Variants in PSTPIP2 observed in about 807,000 individuals in gnomAD.
PSTPIP2 encodes proline-serine-threonine phosphatase-interacting protein 2.
In PSTPIP2, 33 loss-of-function variants were observed where a neutral mutation model predicts 63.3. That is an observed-to-expected ratio of 0.52 (90% CI 0.40 to 0.70). The LOEUF is 0.70. Ranked by LOEUF, PSTPIP2 falls within the 30% of genes least tolerant of loss-of-function variation. PSTPIP2 has a pLI of 0.00. For missense variants in PSTPIP2, 312 were observed against 400.7 expected (o/e 0.78, Z 1.89); for synonymous variants, 125 against 132.7 (o/e 0.94, Z 0.40).
At chr18:46,028,640 A>C in intron 2 of PSTPIP2, 1 of 813,932 alleles carries the variant, frequency 1.2e-6, no homozygotes, top group East Asian at 3.0e-5. Flanking sequence ...GGGTGGATGA[A>C]GAAGATGAAG....
chr18:45,988,995 C>T (rs1200754224), intron 13 of PSTPIP2, among the ~76,000 whole-genome samples: 13 of 152,124 alleles, frequency 8.5e-5, no homozygotes, highest in Non-Finnish European at 1.5e-5. Flanking sequence ...GGTACAGTAC[C>T]CACAGTAAAA....
rs1288212860 is a variant in PSTPIP2, at chr18:46,029,276, C to T, written c.135-4590G>A. ...TCTCCCCAGATGGGTCCTTCTTGCTCATAAATGGCATTGCTGGGTATTTGC... is the reference window on the plus strand; with the variant it reads ...TCTCCCCAGATGGGTCCTTCTTGCTTATAAATGGCATTGCTGGGTATTTGC... On this transcript the variant is annotated intron_variant, in intron 2 of 14. Coordinates refer to ENST00000409746, the MANE Select transcript of PSTPIP2 (RefSeq NM_024430.4). The T allele has an allele frequency of 2.1e-6, 3 of 1,396,330 alleles. No homozygotes were observed. The Admixed American group carries it at 5.0e-5, about 23-fold the overall frequency. The allele number at this position is 1,396,330 out of a possible 1,614,324, so 86.5% of individuals were successfully genotyped here.
chr18:46,013,331 C>T (rs1313573202), intron 4 of PSTPIP2, among the ~76,000 whole-genome samples: 1 of 152,144 alleles, frequency 6.6e-6, no homozygotes, highest in Non-Finnish European at 1.5e-5. Flanking sequence ...ATTTAGCTAA[C>T]ATTTACAAAC....
chr18:46,037,699 C>T (rs377263878), intron 2 of PSTPIP2, among the ~76,000 whole-genome samples: 2 of 152,292 alleles, frequency 1.3e-5, no homozygotes, highest in East Asian at 3.9e-4. Flanking sequence ...TTCCTGCAAG[C>T]GTGCCACCAG....
chr18:46,051,119 C>A (rs1400329536), intron 1 of PSTPIP2, among the ~76,000 whole-genome samples: 1 of 152,146 alleles, frequency 6.6e-6, no homozygotes, highest in African/African-American at 2.4e-5. Flanking sequence ...CTGCCTCAGC[C>A]CAAAAAGCTG....
rs34169328 is a variant in PSTPIP2 at position 46,064,457 on chromosome 18, A to ATTTTTTTT, written c.33+7691_33+7698dup. Among the ~76,000 whole-genome samples the ATTTTTTTT allele has an allele frequency of 2.6e-4, 28 of 106,032 alleles. No homozygotes were observed. The East Asian group carries it at 5.7e-3, about 21-fold the overall frequency. 69.6% of individuals were successfully genotyped at this position (106,032 alleles called of 152,430 possible). ...AGGCACCCACCACAACACCTGGCTA[A>ATTTTTTTT]TTTTTTTTTTTTTTTTTTTTTAAGT... On this transcript the variant is annotated intron_variant, in intron 1 of 14. Coordinates refer to ENST00000409746, the MANE Select transcript of PSTPIP2 (RefSeq NM_024430.4).
Position 45,991,899 on chromosome 18 carries a change from T to C in PSTPIP2, c.920+3A>G. ...CTTCATATGAAAGGCAGCTGGTTAT[T>C]ACCTTGCCAAGTTAGGCCCTGTAGC... On this transcript the variant is annotated splice_donor_region_variant and intron_variant, in intron 12 of 14. Coordinates refer to ENST00000409746, the MANE Select transcript of PSTPIP2 (RefSeq NM_024430.4). 1 of 1,598,638 alleles carries C rather than the reference T, an allele frequency of 6.3e-7. No homozygotes were observed. Among genetic ancestry groups the C allele is most frequent in the South Asian group, 1.1e-5 (1 of 90,288 alleles).
chr18:46,053,366 A>T (rs1246932895), intron 1 of PSTPIP2, among the ~76,000 whole-genome samples: 1 of 152,198 alleles, frequency 6.6e-6, no homozygotes, highest in Non-Finnish European at 1.5e-5. Flanking sequence ...TTATATATTC[A>T]AATTTCAGAA....
At chr18:46,024,400 AG>A (rs1434893647) in intron 3 of PSTPIP2, among the ~76,000 whole-genome samples, 2 of 152,048 alleles carry the variant, frequency 1.3e-5, no homozygotes, top group Admixed American at 6.6e-5. Context: ...GGCCTCCCAA[AG>A]TGCTGGGGTT....
chr18:46,067,997 T>A (rs1339248595), intron 1 of PSTPIP2, among the ~76,000 whole-genome samples: 1 of 144,542 alleles, frequency 6.9e-6, no homozygotes, highest in Admixed American at 6.8e-5. Context: ...TCTTTCTGTA[T>A]TTTTTTTTTA....
At chr18:46,019,359 G>C (rs527862820) in intron 3 of PSTPIP2, among the ~76,000 whole-genome samples, 1 of 152,064 alleles carries the variant, frequency 6.6e-6, no homozygotes, top group Non-Finnish European at 1.5e-5. Context: ...TCAAAACAAA[G>C]GTTCTTATTT....
intron 1 of PSTPIP2, chr18:46,040,939 T>C: frequency 2.2e-6 from 1 of 452,270 alleles, no homozygotes; most frequent in East Asian, 7.0e-5. Context: ...CCTTCTGTCA[T>C]GTGCTTCCTC....
At chr18:46,054,526 G>A (rs1181975523) in intron 1 of PSTPIP2, among the ~76,000 whole-genome samples, 2 of 152,144 alleles carry the variant, frequency 1.3e-5, no homozygotes, top group Non-Finnish European at 2.9e-5. Flanking sequence ...ATACATACTG[G>A]TGCATAATTG....
chr18:46,037,425 G>A (rs1019787093), intron 2 of PSTPIP2, among the ~76,000 whole-genome samples: 5 of 152,124 alleles, frequency 3.3e-5, no homozygotes, highest in Admixed American at 2.0e-4. Flanking sequence ...GGGATTACAG[G>A]TGTGAGCCAC....
At chr18:45,985,934 G>C (rs2144052492) in intron 14 of PSTPIP2, among the ~76,000 whole-genome samples, 1 of 152,130 alleles carries the variant, frequency 6.6e-6, no homozygotes, top group East Asian at 1.9e-4. Flanking sequence ...CCGCCACTGT[G>C]CCTGGCTAGT....
intron 6 of PSTPIP2, among the ~76,000 whole-genome samples, chr18:46,004,801 A>C (rs1287030371): frequency 6.6e-6 from 1 of 152,204 alleles, no homozygotes; most frequent in African/African-American, 2.4e-5. Flanking sequence ...AGCAGTATGG[A>C]GATTCCTCAA....
chr18:46,040,071 C>A, intron 1 of PSTPIP2, 24 bp from the exon 2 acceptor site: 1 of 1,555,554 alleles, frequency 6.4e-7, no homozygotes, highest in Non-Finnish European at 8.8e-7. Context: ...AACATGGCAT[C>A]AGACCAGGAA....
chr18:46,025,011 T>C (rs1016245466), intron 2 of PSTPIP2, among the ~76,000 whole-genome samples: 1 of 152,174 alleles, frequency 6.6e-6, no homozygotes, highest in Non-Finnish European at 1.5e-5. Flanking sequence ...CCCTTTACCA[T>C]GCTATAGAGC....
chr18:46,027,017 G>A (rs781637124), intron 2 of PSTPIP2, among the ~76,000 whole-genome samples: 7 of 152,078 alleles, frequency 4.6e-5, no homozygotes, highest in Non-Finnish European at 7.4e-5. Context: ...CCATATGGCC[G>A]GGTGCAATGG....
Sources: gnomAD v4.1 joint callset for allele counts (sites outside exome capture counted in the v4.1 genomes callset) on GRCh38, gnomAD v4.1.1 for gene constraint, MANE v1.5 for transcripts, NCBI Gene and HGNC (gene_info 2026-07-23, HGNC 2026-07-21) for gene names.